PDE11A: variants seen among roughly 807,000 people sequenced by gnomAD.
The protein encoded by PDE11A is phosphodiesterase 11A.
A neutral mutation model predicts 100.5 loss-of-function variants in PDE11A; 100 were observed. The ratio of observed to expected loss-of-function variants is 1.00; its 90% CI spans 0.85 to 1.18. The LOEUF (loss-of-function observed/expected upper bound fraction) is 1.18. Ranked by LOEUF, PDE11A falls within the 50% of genes most tolerant of loss-of-function variation. The pLI is 0.00. For missense variants in PDE11A, 1,141 were observed against 1,152.6 expected, an observed-to-expected ratio of 0.99 and a Z score of 0.15; for synonymous variants, 381 against 420.8, an observed-to-expected ratio of 0.91 and a Z score of 1.16.
At position 177,770,716 on chromosome 2, in the gene PDE11A, G is replaced by A. The variant is rs11892897; in HGVS notation, c.1738-1343C>T. Among the ~76,000 whole-genome samples the A allele has an allele frequency of 6.0e-3, 908 of 152,282 alleles. 12 individuals are homozygous for A. Among genetic ancestry groups the A allele is most frequent in the African/African-American group, 0.02 (842 of 41,560 alleles). On this transcript the variant is annotated intron_variant, in intron 9 of 19. Transcript: ENST00000286063. The stretch of plus-strand genomic sequence containing the variant: ...CTGCCCCAGAATTCTTGTTGTGTGA[G>A]ACAAATAAATGCACATTGGTGGCAT...
At chr2:177,969,183 C>G (rs1280804238) in intron 2 of PDE11A, among the ~76,000 whole-genome samples, 1 of 152,116 alleles carries the variant, frequency 6.6e-6, no homozygotes, top group Non-Finnish European at 1.5e-5. Context: ...AAGCCAAACA[C>G]CACATGTTCT....
At chr2:178,105,201 T>C (rs1175418554) in intron 1 of PDE11A, among the ~76,000 whole-genome samples, 4 of 152,264 alleles carry the variant, frequency 2.6e-5, no homozygotes, top group South Asian at 2.1e-4. Context: ...GTGGCTCATG[T>C]CTGTAATCCC....
At chr2:177,843,583 C>T (rs1338732791) in intron 5 of PDE11A, among the ~76,000 whole-genome samples, 4 of 152,164 alleles carry the variant, frequency 2.6e-5, no homozygotes, top group Non-Finnish European at 4.4e-5. Context: ...AAATCTAAAA[C>T]ATGCTTAGAA....
At chr2:177,696,355 G>A (rs146714255) in intron 15 of PDE11A, among the ~76,000 whole-genome samples, 32 of 152,264 alleles carry the variant, frequency 2.1e-4, no homozygotes, top group African/African-American at 7.2e-4. Context: ...ATACACAGGA[G>A]CAAGGAGAAA....
intron 15 of PDE11A, among the ~76,000 whole-genome samples, chr2:177,685,221 C>G (rs571146214): frequency 1.3e-5 from 2 of 152,314 alleles, no homozygotes; most frequent in African/African-American, 4.8e-5. Context: ...TCTTTAAACA[C>G]TGGTTTCACC....
chr2:177,861,758 A>G (rs1303239513), intron 5 of PDE11A, among the ~76,000 whole-genome samples: 1 of 151,932 alleles, frequency 6.6e-6, no homozygotes, highest in African/African-American at 2.4e-5. Context: ...GAGTCTCATA[A>G]ACCTATATAT....
intron 10 of PDE11A, among the ~76,000 whole-genome samples, chr2:177,764,330 C>T (rs775781421): frequency 1.8e-4 from 27 of 152,162 alleles, no homozygotes; most frequent in Non-Finnish European, 3.1e-4. Flanking sequence ...GAGGCAGTTA[C>T]AGTGCTGTAA....
chr2:177,689,108 G>A (rs2081001764), intron 15 of PDE11A, among the ~76,000 whole-genome samples: 1 of 152,082 alleles, frequency 6.6e-6, no homozygotes, highest in Admixed American at 6.5e-5. Flanking sequence ...TTGAGATGGA[G>A]TTTCACTCTT....
At chr2:178,100,809 T>C (rs915635001) in intron 2 of PDE11A, among the ~76,000 whole-genome samples, 4 of 152,174 alleles carry the variant, frequency 2.6e-5, no homozygotes, top group African/African-American at 9.6e-5. Context: ...TTATTTCAAA[T>C]CAACGCTATT....
chr2:177,872,304 T>C (rs1406293692), intron 5 of PDE11A, among the ~76,000 whole-genome samples: 1 of 152,184 alleles, frequency 6.6e-6, no homozygotes, highest in Non-Finnish European at 1.5e-5. Flanking sequence ...CCCTTATAAA[T>C]GCAAGAAGTC....
Position 177,909,456 on chromosome 2 carries a change from T to C in PDE11A, c.1072-4269A>G, listed in dbSNP as rs574536925. Among the ~76,000 whole-genome samples the C allele has an allele frequency of 3.2e-4, 49 of 152,292 alleles. No homozygotes were observed. The East Asian group carries it at 9.3e-3, about 29-fold the overall frequency. On this transcript the variant is annotated intron_variant, in intron 2 of 19. Coordinates refer to ENST00000286063, the MANE Select transcript of PDE11A (RefSeq NM_016953.4). ...GTTAATATGCAGCCCGTACACTAAATTGCATGACACCATTACTATTTTCAA... is the reference window on the plus strand; with the variant it reads ...GTTAATATGCAGCCCGTACACTAAACTGCATGACACCATTACTATTTTCAA...
chr2:178,053,353 G>A (rs935905923), intron 1 of PDE11A, among the ~76,000 whole-genome samples: 20 of 152,162 alleles, frequency 1.3e-4, no homozygotes, highest in Non-Finnish European at 2.1e-4. Context: ...AGGTATTGAT[G>A]GGATGTATCT....
intron 2 of PDE11A, among the ~76,000 whole-genome samples, chr2:178,014,028 A>G (rs2086303205): frequency 6.6e-6 from 1 of 152,156 alleles, no homozygotes; most frequent in Non-Finnish European, 1.5e-5. Flanking sequence ...TCTTACTTAT[A>G]AGGAAGACAA....
chr2:177,720,148 T>C (rs950263858), intron 12 of PDE11A, among the ~76,000 whole-genome samples: 1 of 152,068 alleles, frequency 6.6e-6, no homozygotes, highest in Non-Finnish European at 1.5e-5. Context: ...TTTATTTGCT[T>C]TGTGATGGAA....
intron 3 of PDE11A, 49 bp downstream of exon 3, chr2:177,905,049 A>G (rs780237825): frequency 1.0e-6 from 1 of 970,538 alleles, no homozygotes; most frequent in East Asian, 2.4e-5. Flanking sequence ...ACTTACAGAA[A>G]CCAGAAAGAG....
chr2:177,911,721 CAAAAATACA>C (rs1183282397), intron 2 of PDE11A, among the ~76,000 whole-genome samples: 1 of 151,714 alleles, frequency 6.6e-6, no homozygotes, highest in Non-Finnish European at 1.5e-5. Flanking sequence ...CCGTCTCTAC[CAAAAATACA>C]AAAATTAGCT....
intron 9 of PDE11A, among the ~76,000 whole-genome samples, chr2:177,791,009 A>C (rs186210061): frequency 2.3e-3 from 350 of 152,220 alleles, no homozygotes; most frequent in East Asian, 5.4e-3. Context: ...ACTAGAAATA[A>C]CATTTGACCC....
intron 15 of PDE11A, chr2:177,687,786 A>C (rs1559143443): frequency 1.3e-5 from 2 of 152,298 alleles, no homozygotes; most frequent in Non-Finnish European, 2.9e-5. Flanking sequence ...GTAGGGCTGT[A>C]TGGAACTTTT....
At chr2:177,947,511 G>A (rs186230121) in intron 2 of PDE11A, among the ~76,000 whole-genome samples, 48 of 152,312 alleles carry the variant, frequency 3.2e-4, no homozygotes, top group African/African-American at 8.9e-4. Context: ...TCCACTCAGC[G>A]TTGAATGGAT....
Sources: allele counts gnomAD v4.1 joint callset (sites outside exome capture counted in the v4.1 genomes callset), GRCh38; gene constraint gnomAD v4.1.1; transcripts MANE v1.5; gene names NCBI Gene and HGNC (gene_info 2026-07-23, HGNC 2026-07-21).